The following TNKS1BP1 variants were observed in gnomAD, a reference collection of about 807,000 sequenced individuals.
TNKS1BP1 encodes the protein CCR4-NOT transcription complex subunit 12, also known as 182 kDa tankyrase-1-binding protein.
TNKS1BP1 carries 48 observed loss-of-function variants against 141.1 expected under a neutral mutation model. That is an observed-to-expected ratio of 0.34 (90% CI 0.27 to 0.43). The LOEUF (loss-of-function observed/expected upper bound fraction) is 0.43, where lower values mean the gene tolerates loss of function less well. TNKS1BP1 is among the 20% of genes least tolerant of loss of function. The pLI is 1.00. For missense variants in TNKS1BP1, 2,149 were observed against 2,226.0 expected (o/e 0.97, Z 0.70); for synonymous variants, 875 against 898.2 (o/e 0.97, Z 0.46).
intron 2 of TNKS1BP1, 36 bp downstream of exon 2, chr11:57,321,756 C>G (rs1855889956): frequency 6.6e-7 from 1 of 1,505,832 alleles, no homozygotes; most frequent in Admixed American, 1.9e-5. Context: ...CCACCCCCCT[C>G]CCAGCCACCT....
Position 57,301,683 on chromosome 11 carries a change from G to A in TNKS1BP1, c.4971+124C>T, listed in dbSNP as rs141088269. On this transcript the variant is annotated intron_variant, in intron 9 of 11. Coordinates refer to ENST00000358252, the MANE Select transcript of TNKS1BP1 (RefSeq NM_033396.3). ...TCTGGAGCCCTCGATGGAGAGGAGAGTGAGAGGAGGAATGGGAGAGGGGGA... is the reference window on the plus strand; with the variant it reads ...TCTGGAGCCCTCGATGGAGAGGAGAATGAGAGGAGGAATGGGAGAGGGGGA... The A allele has an allele frequency of 5.2e-6, 7 of 1,334,764 alleles. No individual in the cohort carries two copies. In the Admixed American group the frequency reaches 1.3e-4, roughly 25 times the overall value. 82.7% of individuals were successfully genotyped at this position (1,334,764 alleles called of 1,614,324 possible). A position where few individuals can be genotyped will look rare whatever the true frequency, so the allele number is the denominator to read the frequency against.
Position 57,310,572 on chromosome 11 carries a change from A to T in TNKS1BP1, c.2155-16T>A, listed in dbSNP as rs1486158171. The stretch of plus-strand genomic sequence containing the variant: ...CAAGGAGTCCCTGGGAATAAGAAAA[A>T]AAAACAGACAAAGAAACAACGATTA... On this transcript the variant is annotated splice_polypyrimidine_tract_variant and intron_variant, in intron 5 of 11. Transcript: ENST00000358252. The T allele has an allele frequency of 6.3e-7, 1 of 1,585,302 alleles. No homozygotes were observed. Among genetic ancestry groups the T allele is most frequent in the South Asian group, 1.1e-5 (1 of 88,882 alleles).
In TNKS1BP1 at chr11:57,309,398, C is replaced by T. The variant is rs147880473; in HGVS notation, c.3313G>A (p.Gly1105Arg). 1.9e-6 allele frequency: 3 copies of T among 1,614,060 alleles called. No homozygotes were observed. Among genetic ancestry groups the T allele is most frequent in the African/African-American group, 1.3e-5 (1 of 74,942 alleles). Residue 1105 changes from glycine (G) to arginine (R), a missense_variant, in exon 6 of 12, where the codon GGG (glycine) becomes AGG (arginine). Coordinates refer to ENST00000358252, the MANE Select transcript of TNKS1BP1 (RefSeq NM_033396.3). The surrounding 1 kb of genome is among the most constrained non-coding windows in gnomAD (Gnocchi z 4.3). The part of the protein sequence containing the change: ...GPQREAAFSP[G>R]QQDWSRDFCI... The stretch of plus-strand genomic sequence containing the variant: ...AAGTCCCGGCTCCAGTCCTGCTGCC[C>T]TGGGCTAAATGCTGCCTCTCGCTGG...
intron 4 of TNKS1BP1, among the ~76,000 whole-genome samples, chr11:57,315,040 C>T (rs1440508768): frequency 6.6e-6 from 1 of 152,144 alleles, no homozygotes; most frequent in East Asian, 1.9e-4. Context: ...ATCACTGCAA[C>T]CCTCTCCATC....
chr11:57,319,024 A>C (rs559522375), intron 3 of TNKS1BP1, among the ~76,000 whole-genome samples: 1 of 152,086 alleles, frequency 6.6e-6, no homozygotes, highest in South Asian at 2.1e-4. Context: ...AGGCGCCTGT[A>C]GTCCCAGCTA....
intron 3 of TNKS1BP1, 57 bp downstream of exon 3, chr11:57,320,022 A>AACC: frequency 1.8e-6 from 2 of 1,118,688 alleles, no homozygotes; most frequent in South Asian, 1.3e-5. Context: ...CCCCCACCCA[A>AACC]TCCCACCCCA....
chr11:57,308,013 C>G (rs1392108039), intron 6 of TNKS1BP1, among the ~76,000 whole-genome samples: 1 of 152,202 alleles, frequency 6.6e-6, no homozygotes. Context: ...CTGCCCTATA[C>G]CTATGAAACC....
chr11:57,318,887 G>A (rs543332344), intron 3 of TNKS1BP1, among the ~76,000 whole-genome samples: 1 of 152,340 alleles, frequency 6.6e-6, no homozygotes, highest in African/African-American at 2.4e-5. Flanking sequence ...GCTCACGCCT[G>A]TAATCCCAGC....
chr11:57,313,267 T>G lies in TNKS1BP1; in HGVS notation c.1421A>C (p.Gln474Pro). 6.2e-7 allele frequency: 1 copy of G among 1,612,980 alleles called. No homozygotes were observed. Among genetic ancestry groups the G allele is most frequent in the Non-Finnish European group, 8.5e-7 (1 of 1,180,006 alleles). ...CGTGGGGAAGGTCCATTCGAAGGAC[T>G]GTGATAAGCTCCAGTTGGACTCTGC... Reference protein sequence around the residue: ...FGAESNWSLSQSFEWTFPTRP... With the variant: ...FGAESNWSLSPSFEWTFPTRP... The change falls in exon 5 of 12, where the codon CAG (glutamine) becomes CCG (proline). Residue 474 changes from glutamine (Q) to proline (P), a missense_variant. By Grantham distance (76) the Gln-to-Pro change is moderately conservative (BLOSUM62 -1). Transcript: ENST00000358252.
At chr11:57,304,872 CAAAAAAAAAAA>C (rs35084894) in intron 6 of TNKS1BP1, among the ~76,000 whole-genome samples, 1 of 72,748 alleles carries the variant, frequency 1.4e-5, no homozygotes, top group Non-Finnish European at 2.4e-5. Flanking sequence ...AACTCCGTCT[CAAAAAAAAAAA>C]AAAAAAAAAA....
At chr11:57,322,349 G>T in intron 1 of TNKS1BP1, 1 of 985,744 alleles carries the variant, frequency 1.0e-6, no homozygotes. Context: ...ACGGGAGACG[G>T]GAAAAACCCG....
chr11:57,324,851 G>A lies in TNKS1BP1; in HGVS notation c.-77C>T, dbSNP rs1184620301. 1 of 986,176 alleles carries A rather than the reference G, an allele frequency of 1.0e-6. No homozygotes were observed. Among genetic ancestry groups the A allele is most frequent in the African/African-American group, 1.8e-5 (1 of 57,086 alleles). The allele number at this position is 986,176 out of a possible 1,614,324, so 61.1% of individuals were successfully genotyped here. A position where few individuals can be genotyped will look rare whatever the true frequency, so the allele number is the denominator to read the frequency against. On this transcript the variant is annotated 5_prime_UTR_variant, in exon 1 of 12. Coordinates refer to ENST00000358252, the MANE Select transcript of TNKS1BP1 (RefSeq NM_033396.3). ...CCCCGCGCACTCACGCGCTCGCCCG[G>A]GGTCCGGCTCCGCTCGGCTCGGGGC...
At chr11:57,314,905 C>G (rs557961450) in intron 4 of TNKS1BP1, among the ~76,000 whole-genome samples, 45 of 152,286 alleles carry the variant, frequency 3.0e-4, no homozygotes, top group Admixed American at 2.6e-4. Context: ...TCTGTTCCCT[C>G]CATGCTCACT....
chr11:57,320,039 C>CAA, intron 3 of TNKS1BP1, 40 bp downstream of exon 3: 3 of 1,592,534 alleles, frequency 1.9e-6, no homozygotes, highest in East Asian at 2.3e-5. Flanking sequence ...CCCACCTGAC[C>CAA]TCCAGGCTGC....
chr11:57,301,790 T>A lies in TNKS1BP1; in HGVS notation c.4971+17A>T. ...GGCCAGATGGCTGGACATGTTTGCT[T>A]AATGATCAGATGGTACCTTCAGGGC... On this transcript the variant is annotated intron_variant, in intron 9 of 11. Coordinates refer to ENST00000358252, the MANE Select transcript of TNKS1BP1 (RefSeq NM_033396.3). 1 of 1,600,990 alleles carries A rather than the reference T, an allele frequency of 6.2e-7. No individual in the cohort carries two copies.
chr11:57,308,916 G>C lies in TNKS1BP1; in HGVS notation c.3795C>G (p.Ala1265=), dbSNP rs149523172. The part of the protein sequence containing the change: ...VGQTDWSGVE[A]GEFLKSRERG... ...GCTCCCTTGATTTAAGGAACTCTCC[G>C]GCCTCCACACCTGACCAGTCAGTCT... The change falls in exon 6 of 12, where the codon GCC becomes GCG. Residue 1265 remains alanine (A), a synonymous_variant. Coordinates refer to ENST00000358252, the MANE Select transcript of TNKS1BP1 (RefSeq NM_033396.3). The C allele has an allele frequency of 1.2e-6, 2 of 1,613,816 alleles. No individual in the cohort carries two copies. The highest frequency in any genetic ancestry group is 1.7e-6 in the Non-Finnish European group (2 of 1,180,004).
chr11:57,321,744 T>TGGGCC, intron 2 of TNKS1BP1, 48 bp downstream of exon 2: 1 of 1,039,822 alleles, frequency 9.6e-7, no homozygotes, highest in Non-Finnish European at 1.5e-6. Flanking sequence ...CCTCTGTCCT[T>TGGGCC]CCCACCCCCC....
Position 57,308,447 on chromosome 11 carries a change from G to A in TNKS1BP1, c.4264C>T (p.His1422Tyr). 1 of 1,614,188 alleles carries A rather than the reference G, an allele frequency of 6.2e-7. No individual in the cohort carries two copies. The highest frequency in any genetic ancestry group is 8.5e-7 in the Non-Finnish European group (1 of 1,180,024). The change falls in exon 6 of 12, where the codon CAC becomes TAC. Residue 1422 changes from histidine to tyrosine, a missense_variant. His to Tyr is a moderately conservative substitution (Grantham distance 83). Coordinates refer to ENST00000358252, the MANE Select transcript of TNKS1BP1 (RefSeq NM_033396.3). ...EDYSSSSLEP[H>Y]PADPGMETGE... ...GTCTCCATTCCAGGGTCTGCAGGGT[G>A]TGGCTCCAAGGAAGACGAGGAGTAA...
chr11:57,322,049 G>A (rs1022642970), intron 1 of TNKS1BP1, 99 bp from the exon 2 acceptor site: 11 of 1,035,240 alleles, frequency 1.1e-5, no homozygotes, highest in Non-Finnish European at 1.4e-5. Flanking sequence ...CAGAGTGTGG[G>A]ACAGGAAGAG....
Sources: allele counts gnomAD v4.1 joint callset (sites outside exome capture counted in the v4.1 genomes callset), GRCh38; gene constraint gnomAD v4.1.1; non-coding constraint Gnocchi (gnomAD v3.1); transcripts MANE v1.5; gene names NCBI Gene and HGNC (gene_info 2026-07-23, HGNC 2026-07-21).